The following TANC1 variants were observed in gnomAD, a reference collection of about 807,000 sequenced individuals.
The protein encoded by TANC1 is tetratricopeptide repeat, ankyrin repeat and coiled-coil containing 1.
A neutral mutation model predicts 149.7 loss-of-function variants in TANC1; 77 were observed. The ratio of observed to expected loss-of-function variants is 0.51; its 90% CI spans 0.43 to 0.62. The LOEUF (loss-of-function observed/expected upper bound fraction) is 0.62, where lower values mean the gene tolerates loss of function less well. TANC1 is among the 20% of genes least tolerant of loss of function. TANC1 has a pLI of 0.00. For missense variants in TANC1, 1,985 were observed against 2,321.8 expected (o/e 0.85, Z 2.98); for synonymous variants, 854 against 925.0 (o/e 0.92, Z 1.39).
rs762456623 is a variant in TANC1 at position 159,229,750 on chromosome 2, G to A, written c.4324G>A (p.Glu1442Lys). ...LPAPLNDSENEEDTPTPGLSD... is the reference protein window; with the variant it reads ...LPAPLNDSENKEDTPTPGLSD... ...AGCTCCACTCAACGACTCCGAGAACGAAGAGGACACCCCAACCCCTGGCTT... is the reference window on the plus strand; with the variant it reads ...AGCTCCACTCAACGACTCCGAGAACAAAGAGGACACCCCAACCCCTGGCTT... Residue 1442 changes from glutamate (E) to lysine (K), a missense_variant, in exon 27 of 27, where the codon GAA becomes AAA. Around this residue, in one of 3 missense-constraint regions of TANC1, gnomAD observed 920 missense variants for 994.7 expected, o/e 0.92. Coordinates refer to ENST00000263635, the MANE Select transcript of TANC1 (RefSeq NM_033394.3). 1.4e-5 allele frequency: 23 copies of A among 1,613,812 alleles called. No homozygotes were observed. Among genetic ancestry groups the A allele is most frequent in the African/African-American group, 2.7e-5 (2 of 74,848 alleles).
intron 8 of TANC1, among the ~76,000 whole-genome samples, chr2:159,166,504 A>G (rs1318440344): frequency 1.3e-5 from 2 of 152,202 alleles, no homozygotes; most frequent in Non-Finnish European, 2.9e-5. Context: ...ACAAGTGTAT[A>G]ATTAATTTCG....
At chr2:159,126,323 C>G (rs2150128739) in intron 4 of TANC1, among the ~76,000 whole-genome samples, 1 of 152,314 alleles carries the variant, frequency 6.6e-6, no homozygotes, top group South Asian at 2.1e-4. Flanking sequence ...GGGCCATTTA[C>G]TTATCAAACC....
intron 5 of TANC1, among the ~76,000 whole-genome samples, chr2:159,143,880 T>A (rs13017818): frequency 0.24 from 36,816 of 151,918 alleles, 5,434 homozygotes; most frequent in Non-Finnish European, 0.35. Context: ...TAAGTTAAAA[T>A]TTAGTTTTTT....
rs142957747 is a variant in TANC1, at chr2:159,187,080, G to A, written c.2742+56G>A. On this transcript the variant is annotated intron_variant, in intron 16 of 26. Coordinates refer to ENST00000263635, the MANE Select transcript of TANC1 (RefSeq NM_033394.3). ...ACCCAGCCCTGGCCGGCTGCTGGCC[G>A]TTCCTCCAACAGCCCTGTTTCCCTC... The A allele has an allele frequency of 2.6e-3, 4,214 of 1,596,256 alleles. 9 individuals carry two copies. Among genetic ancestry groups the A allele is most frequent in the Admixed American group, 6.1e-3 (355 of 58,434 alleles).
chr2:159,058,814 G>A (rs530775836), intron 2 of TANC1, among the ~76,000 whole-genome samples: 26 of 150,022 alleles, frequency 1.7e-4, no homozygotes, highest in African/African-American at 6.1e-4. Flanking sequence ...AAGGTAAGGT[G>A]TTTTGTTTGT....
chr2:159,191,568 GAGA>G (rs1206603094), intron 16 of TANC1, among the ~76,000 whole-genome samples: 1 of 152,180 alleles, frequency 6.6e-6, no homozygotes, highest in Non-Finnish European at 1.5e-5. Flanking sequence ...GGATTCTGCA[GAGA>G]AGATCAGAGA....
In TANC1 at chr2:159,230,584, A is replaced by G. The variant is rs1215187559; in HGVS notation, c.5158A>G (p.Asn1720Asp). Reference sequence around the variant, plus strand: ...CGGTACAGCTGAGCACAGACCCCGCAACACGCCGTTCATGGGCATCATGGA... The same window carrying G: ...CGGTACAGCTGAGCACAGACCCCGCGACACGCCGTTCATGGGCATCATGGA... ...QSGTAEHRPRNTPFMGIMDKT... is the reference protein window; with the variant it reads ...QSGTAEHRPRDTPFMGIMDKT... Residue 1720 changes from asparagine to aspartate, a missense_variant, in exon 27 of 27, where the codon AAC becomes GAC. This residue lies in a region of TANC1 where 920 missense variants were observed against 994.7 expected (regional missense o/e 0.92). Coordinates refer to ENST00000263635, the MANE Select transcript of TANC1 (RefSeq NM_033394.3). The surrounding 1 kb of genome is among the most constrained non-coding windows in gnomAD (Gnocchi z 4.4). 1 of 1,614,192 alleles carries G rather than the reference A, an allele frequency of 6.2e-7. No homozygotes were observed.
chr2:159,170,158 C>T (rs543804508), intron 9 of TANC1, among the ~76,000 whole-genome samples: 1 of 152,298 alleles, frequency 6.6e-6, no homozygotes, highest in African/African-American at 2.4e-5. Flanking sequence ...ATTCATACAG[C>T]AGGGAAGAAG....
At chr2:159,226,827 G>C (rs1009211648) in intron 24 of TANC1, 6 of 152,186 alleles carry the variant, frequency 3.9e-5, no homozygotes, top group Non-Finnish European at 7.3e-5. Context: ...AGCACAGAGT[G>C]AATGAACACA....
intron 3 of TANC1, among the ~76,000 whole-genome samples, chr2:159,078,695 G>A (rs930231445): frequency 2.6e-5 from 4 of 152,086 alleles, no homozygotes; most frequent in South Asian, 2.1e-4. Flanking sequence ...CATGGTTATT[G>A]GACTCCTCCA....
At chr2:159,007,780 C>T (rs2037363094) in intron 2 of TANC1, among the ~76,000 whole-genome samples, 1 of 152,146 alleles carries the variant, frequency 6.6e-6, no homozygotes, top group Admixed American at 6.5e-5. Context: ...GATGAAATCC[C>T]TGGACTTAAT....
chr2:158,974,580 G>A (rs980837644), intron 1 of TANC1, among the ~76,000 whole-genome samples: 3 of 152,230 alleles, frequency 2.0e-5, no homozygotes, highest in Admixed American at 6.5e-5. Flanking sequence ...TTACAGGCAT[G>A]TGCCACCACG....
chr2:158,978,890 T>G (rs1352415203), intron 1 of TANC1, among the ~76,000 whole-genome samples: 3 of 152,212 alleles, frequency 2.0e-5, no homozygotes, highest in Non-Finnish European at 4.4e-5. Flanking sequence ...GTTTTGAACA[T>G]TATAAATTGC....
intron 2 of TANC1, among the ~76,000 whole-genome samples, chr2:159,060,950 A>T (rs562775626): frequency 6.6e-6 from 1 of 152,354 alleles, no homozygotes; most frequent in African/African-American, 2.4e-5. Flanking sequence ...ATTCAAATAC[A>T]TAATGTAGAG....
At chr2:159,041,323 A>G (rs2040611103) in intron 2 of TANC1, among the ~76,000 whole-genome samples, 1 of 152,236 alleles carries the variant, frequency 6.6e-6, no homozygotes, top group Non-Finnish European at 1.5e-5. Flanking sequence ...CAGAGCTGTC[A>G]GACAGGGACG....
At chr2:159,099,658 G>A (rs1480136745) in intron 4 of TANC1, among the ~76,000 whole-genome samples, 1 of 151,876 alleles carries the variant, frequency 6.6e-6, no homozygotes, top group East Asian at 1.9e-4. Flanking sequence ...TAGCAAGAAC[G>A]CCTCCCCACC....
intron 16 of TANC1, among the ~76,000 whole-genome samples, chr2:159,189,477 A>G (rs1178744682): frequency 6.6e-6 from 1 of 152,228 alleles, no homozygotes; most frequent in Non-Finnish European, 1.5e-5. Flanking sequence ...AAGGTTGATT[A>G]TAACATCGAT....
intron 4 of TANC1, among the ~76,000 whole-genome samples, chr2:159,130,471 T>C (rs1442304667): frequency 1.3e-5 from 2 of 152,008 alleles, no homozygotes; most frequent in African/African-American, 4.8e-5. Context: ...TGTGGCTGCT[T>C]TATGTGGGGG....
In TANC1 at chr2:159,105,339, G is replaced by A. The variant is rs575651976; in HGVS notation, c.259+7505G>A. On this transcript the variant is annotated intron_variant, in intron 4 of 26. Transcript: ENST00000263635. ...AATTAGCATGTTATAATTTGTTTTC[G>A]CTATTCCTGGTGTGAATATTTTTAA... Among the ~76,000 whole-genome samples the A allele has an allele frequency of 4.6e-5, 7 of 152,098 alleles. 1 individual carries two copies. In the South Asian group the frequency reaches 1.5e-3, roughly 32 times the overall value.
Sources: allele counts gnomAD v4.1 joint callset (sites outside exome capture counted in the v4.1 genomes callset), GRCh38; gene constraint gnomAD v4.1.1; regional missense constraint gnomAD v4.1.1; non-coding constraint Gnocchi (gnomAD v3.1); transcripts MANE v1.5; gene names NCBI Gene and HGNC (gene_info 2026-07-23, HGNC 2026-07-21).